The following B4GALT5 variants were observed in gnomAD, a reference collection of about 807,000 sequenced individuals.
B4GALT5 encodes beta-1,4-galactosyltransferase 5.
Under a neutral mutation model 45.0 loss-of-function variants are expected in B4GALT5, and 11 were observed. That is an observed-to-expected ratio of 0.24 (90% CI 0.15 to 0.40). The LOEUF is 0.40. Among genes scored for constraint, B4GALT5 ranks in the 10% least tolerant of loss-of-function variants. B4GALT5 has a pLI of 1.00. For synonymous variants in B4GALT5, 185 were observed against 182.9 expected, an observed-to-expected ratio of 1.01 and a Z score of -0.09; for missense variants, 337 against 500.2, an observed-to-expected ratio of 0.67 and a Z score of 3.11.
At chr20:49,683,032 T>C (rs1043400496) in intron 1 of B4GALT5, among the ~76,000 whole-genome samples, 4 of 151,976 alleles carry the variant, frequency 2.6e-5, no homozygotes, top group African/African-American at 9.7e-5. Context: ...AGTTCAAGGC[T>C]GCAGTGAACT....
intron 1 of B4GALT5, among the ~76,000 whole-genome samples, chr20:49,712,971 G>T (rs890466522): frequency 6.6e-6 from 1 of 151,590 alleles, no homozygotes; most frequent in African/African-American, 2.4e-5. Flanking sequence ...AGAGGTGAAC[G>T]TGAGTTAGGG....
At chr20:49,711,812 T>C (rs2085913504) in intron 1 of B4GALT5, among the ~76,000 whole-genome samples, 1 of 152,234 alleles carries the variant, frequency 6.6e-6, no homozygotes, top group South Asian at 2.1e-4. Context: ...AACATCAACA[T>C]TAACCACAAG....
intron 1 of B4GALT5, among the ~76,000 whole-genome samples, chr20:49,675,648 TATC>T (rs754487674): frequency 1.2e-4 from 18 of 152,104 alleles, no homozygotes; most frequent in Non-Finnish European, 2.5e-4. Context: ...CCCAAGCAAA[TATC>T]ATATCTTTGT....
intron 1 of B4GALT5, among the ~76,000 whole-genome samples, chr20:49,694,691 AAAG>A (rs2085830986): frequency 2.6e-5 from 4 of 151,650 alleles, no homozygotes; most frequent in African/African-American, 9.7e-5. Context: ...AGGGAAAGGG[AAAG>A]GGAAAGGGAA....
intron 2 of B4GALT5, among the ~76,000 whole-genome samples, chr20:49,647,370 C>T (rs2085603505): frequency 6.6e-6 from 1 of 152,174 alleles, no homozygotes; most frequent in Admixed American, 6.5e-5. Flanking sequence ...CAGTTGCCCT[C>T]CTCTCATTTC....
At chr20:49,641,117 AAAAAAAG>A (rs1461363212) in intron 5 of B4GALT5, among the ~76,000 whole-genome samples, 1 of 148,932 alleles carries the variant, frequency 6.7e-6, no homozygotes, top group Non-Finnish European at 1.5e-5. Context: ...TCCATCTCCA[AAAAAAAG>A]AAAAAGAAAA....
At chr20:49,707,509 AG>A (rs1309981337) in intron 1 of B4GALT5, among the ~76,000 whole-genome samples, 1 of 151,872 alleles carries the variant, frequency 6.6e-6, no homozygotes, top group Non-Finnish European at 1.5e-5. Context: ...TTTCATGTCA[AG>A]AAAAAAAAAA....
chr20:49,674,932 A>C (rs903511022), intron 1 of B4GALT5, among the ~76,000 whole-genome samples: 3 of 152,200 alleles, frequency 2.0e-5, no homozygotes, highest in Non-Finnish European at 2.9e-5. Context: ...CCCACAATGG[A>C]CAGTTCTCTG....
At chr20:49,710,477 T>C (rs1035603439) in intron 1 of B4GALT5, among the ~76,000 whole-genome samples, 13 of 148,520 alleles carry the variant, frequency 8.8e-5, no homozygotes, top group African/African-American at 3.2e-4. Context: ...TGGAGTGCAA[T>C]GGCGCAATCT....
chr20:49,709,377 T>A (rs1742827305), intron 1 of B4GALT5, among the ~76,000 whole-genome samples: 1 of 152,212 alleles, frequency 6.6e-6, no homozygotes, highest in Non-Finnish European at 1.5e-5. Flanking sequence ...TTGCTCCTTA[T>A]CAAATCCACC....
intron 3 of B4GALT5, 43 bp downstream of exon 3, chr20:49,646,922 T>G: frequency 7.9e-7 from 1 of 1,272,946 alleles, no homozygotes; most frequent in Non-Finnish European, 1.1e-6. Context: ...CTCCCCTTTA[T>G]CCATTTTAAA....
intron 1 of B4GALT5, among the ~76,000 whole-genome samples, chr20:49,700,655 G>T (rs2085857902): frequency 6.6e-6 from 1 of 152,164 alleles, no homozygotes; most frequent in Non-Finnish European, 1.5e-5. Context: ...AGGGTCACTT[G>T]AACACAAGCA....
At chr20:49,689,373 A>T (rs1182410979) in intron 1 of B4GALT5, among the ~76,000 whole-genome samples, 1 of 152,232 alleles carries the variant, frequency 6.6e-6, no homozygotes, top group African/African-American at 2.4e-5. Context: ...GAGTGGTGTG[A>T]TTCAATGGAT....
chr20:49,674,091 A>G (rs967870284), intron 1 of B4GALT5, among the ~76,000 whole-genome samples: 1 of 113,074 alleles, frequency 8.8e-6, no homozygotes, highest in Non-Finnish European at 1.8e-5. Context: ...CAAAAAAAAA[A>G]AAAAAAAAAA....
chr20:49,704,816 A>G (rs541906861), intron 1 of B4GALT5, among the ~76,000 whole-genome samples: 126 of 152,262 alleles, frequency 8.3e-4, no homozygotes, highest in Non-Finnish European at 1.5e-3. Flanking sequence ...TTTCATCTTT[A>G]TAATTAGGCT....
At chr20:49,653,823 A>G (rs6125702) in intron 2 of B4GALT5, among the ~76,000 whole-genome samples, 2,441 of 152,334 alleles carry the variant, frequency 0.016, 39 homozygotes, top group East Asian at 0.083. Context: ...GTGTATGATA[A>G]TTTGAGAATA....
intron 1 of B4GALT5, among the ~76,000 whole-genome samples, chr20:49,692,335 C>T (rs746620731): frequency 4.0e-5 from 6 of 149,894 alleles, no homozygotes; most frequent in Non-Finnish European, 7.4e-5. Flanking sequence ...GGCATGGTGG[C>T]GCGTGCCTGT....
chr20:49,679,635 C>T (rs2085755972), intron 1 of B4GALT5, among the ~76,000 whole-genome samples: 1 of 151,688 alleles, frequency 6.6e-6, no homozygotes, highest in South Asian at 2.1e-4. Context: ...GAGATCCCAC[C>T]ACTGCACTCC....
At chr20:49,677,160 G>A (rs1343853793) in intron 1 of B4GALT5, among the ~76,000 whole-genome samples, 1 of 151,956 alleles carries the variant, frequency 6.6e-6, no homozygotes, top group South Asian at 2.1e-4. Context: ...GGGCTGGAAG[G>A]GGAACCACCG....
Sources: allele counts gnomAD v4.1 joint callset (sites outside exome capture counted in the v4.1 genomes callset), GRCh38; gene constraint gnomAD v4.1.1; transcripts MANE v1.5; gene names NCBI Gene and HGNC (gene_info 2026-07-23, HGNC 2026-07-21).